The following CCDC149 variants were observed in gnomAD, a reference collection of about 807,000 sequenced individuals.
CCDC149 encodes coiled-coil domain-containing protein 149.
CCDC149 carries 45 observed loss-of-function variants against 59.9 expected under a neutral mutation model. That is an observed-to-expected ratio of 0.75 (90% CI 0.59 to 0.96). The LOEUF (loss-of-function observed/expected upper bound fraction) is 0.96, where lower values mean the gene tolerates loss of function less well. Among genes scored for constraint, CCDC149 ranks in the 40% least tolerant of loss-of-function variants. The pLI is 0.00. For synonymous variants in CCDC149, 245 were observed against 260.6 expected, an observed-to-expected ratio of 0.94 and a Z score of 0.58; for missense variants, 584 against 664.7, an observed-to-expected ratio of 0.88 and a Z score of 1.33.
chr4:24,916,109 G>A (rs1422986748), upstream of CCDC149, among the ~76,000 whole-genome samples: 1 of 152,146 alleles, frequency 6.6e-6, no homozygotes, highest in Non-Finnish European at 1.5e-5. Flanking sequence ...GTGCCACCCT[G>A]TTACAAAGTA....
At chr4:24,973,735 T>A (rs572805291) in intron 1 of CCDC149, among the ~76,000 whole-genome samples, 1 of 152,358 alleles carries the variant, frequency 6.6e-6, no homozygotes, top group Non-Finnish European at 1.5e-5. Flanking sequence ...GAGTGTATGA[T>A]TAACCCGGTC....
chr4:24,809,173 C>T lies in CCDC149; in HGVS notation c.1193-354G>A, dbSNP rs116300471. On this transcript the variant is annotated intron_variant, in intron 12 of 12. Transcript: ENST00000635206. ...GAGGACAAAGGTTTTGTTGGTTCTG[C>T]AGCTGAGAGCCAGGGCTTGTTAGTA... 2.9e-3 allele frequency among the ~76,000 whole-genome samples: 448 copies of T among 152,264 alleles called. 3 individuals carry two copies. The highest frequency in any genetic ancestry group is 0.01 in the African/African-American group (421 of 41,530).
intron 1 of CCDC149, among the ~76,000 whole-genome samples, chr4:24,900,445 A>G (rs898790694): frequency 1.3e-5 from 2 of 152,154 alleles, no homozygotes; most frequent in Non-Finnish European, 2.9e-5. Context: ...ATGTGAGATC[A>G]CAGTAGAGGC....
intron 8 of CCDC149, among the ~76,000 whole-genome samples, chr4:24,833,361 T>C (rs1236746990): frequency 6.6e-6 from 1 of 152,164 alleles, no homozygotes; most frequent in Non-Finnish European, 1.5e-5. Context: ...TGGTGGCTCA[T>C]GCCTATAATC....
Position 24,912,875 on chromosome 4 carries a change from T to G in CCDC149, c.5A>C (p.Glu2Ala), listed in dbSNP as rs1415080321. 2.2e-6 allele frequency: 3 copies of G among 1,359,090 alleles called. No individual in the cohort carries two copies. Among genetic ancestry groups the G allele is most frequent in the Non-Finnish European group, 2.9e-6 (3 of 1,040,606 alleles). 84.2% of individuals were successfully genotyped at this position (1,359,090 alleles called of 1,614,324 possible). A position where few individuals can be genotyped will look rare whatever the true frequency, so the allele number is the denominator to read the frequency against. ...CCGGTCGCCGTTCATGGCCTCCTCC[T>G]CCATGCGCTGGCCGGCCTCCTGGAC... The change falls in exon 1 of 13, where the codon GAG becomes GCG. Residue 2 changes from glutamate to alanine, a missense_variant. Coordinates refer to ENST00000635206, the MANE Select transcript of CCDC149 (RefSeq NM_001330643.2).
At chr4:24,868,980 A>G (rs917325368) in intron 3 of CCDC149, among the ~76,000 whole-genome samples, 1 of 152,224 alleles carries the variant, frequency 6.6e-6, no homozygotes, top group African/African-American at 2.4e-5. Flanking sequence ...GCTATGTGAG[A>G]GTTAAATGAG....
intron 1 of CCDC149, among the ~76,000 whole-genome samples, chr4:24,921,663 A>G (rs1379130609): frequency 6.6e-6 from 1 of 152,244 alleles, no homozygotes; most frequent in Admixed American, 6.5e-5. Context: ...GCCAGCGCCC[A>G]CATGTGGGAA....
chr4:24,945,319 G>A (rs1466385427), intron 1 of CCDC149, among the ~76,000 whole-genome samples: 1 of 152,210 alleles, frequency 6.6e-6, no homozygotes, highest in Non-Finnish European at 1.5e-5. Flanking sequence ...AATCCAGTAT[G>A]ACTGATGTCC....
At chr4:24,876,826 A>G in intron 1 of CCDC149, 129 bp from the exon 2 acceptor site, 1 of 890,866 alleles carries the variant, frequency 1.1e-6, no homozygotes, top group South Asian at 1.8e-5. Context: ...GTGCCGAGAG[A>G]GACATTTTTC....
In CCDC149 at chr4:24,837,113, T is replaced by C; in HGVS notation, c.662+115A>G. 9.8e-7 allele frequency: 1 copy of C among 1,018,018 alleles called. No individual in the cohort carries two copies. The highest frequency in any genetic ancestry group is 1.6e-5 in the African/African-American group (1 of 61,548). The allele number at this position is 1,018,018 out of a possible 1,614,324, so 63.1% of individuals were successfully genotyped here. On this transcript the variant is annotated intron_variant, in intron 6 of 12. Transcript: ENST00000635206. The surrounding 1 kb of genome is among the most constrained non-coding windows in gnomAD (Gnocchi z 4.3). ...ATCATTTCGGGGGAGTGAGTTTCTTTTCACTTGTAAGGCAATTTTCTCCAA... is the reference window on the plus strand; with the variant it reads ...ATCATTTCGGGGGAGTGAGTTTCTTCTCACTTGTAAGGCAATTTTCTCCAA...
At chr4:24,842,711 C>T (rs955944243) in intron 4 of CCDC149, among the ~76,000 whole-genome samples, 15 of 152,172 alleles carry the variant, frequency 9.9e-5, no homozygotes, top group Admixed American at 2.0e-4. Context: ...GGGTGTCCTG[C>T]CCCCAACTCT....
At chr4:24,851,465 G>A (rs1233984035) in intron 4 of CCDC149, among the ~76,000 whole-genome samples, 1 of 152,026 alleles carries the variant, frequency 6.6e-6, no homozygotes, top group East Asian at 1.9e-4. Context: ...AGTTGCAAAC[G>A]TCAATTCCTA....
intron 1 of CCDC149, among the ~76,000 whole-genome samples, chr4:24,905,414 C>CGTGTGTGT (rs1163234474): frequency 3.0e-4 from 24 of 78,692 alleles, no homozygotes; most frequent in African/African-American, 7.1e-4. Flanking sequence ...TGCGTGCGTG[C>CGTGTGTGT]GTGTGTGTGT....
chr4:24,918,807 T>A (rs918276976), intron 1 of CCDC149, among the ~76,000 whole-genome samples: 5 of 152,190 alleles, frequency 3.3e-5, no homozygotes, highest in Non-Finnish European at 5.9e-5. Flanking sequence ...TGTCAGTGTA[T>A]TGGGGCAACT....
Position 24,850,303 on chromosome 4 carries a change from C to T in CCDC149, c.372+2769G>A, listed in dbSNP as rs192821175. ...AATTTATAGGATACAGATGGAAATT[C>T]GGCCCTCAAAGAGCTTCCCCTTGGG... On this transcript the variant is annotated intron_variant, in intron 4 of 12. Transcript: ENST00000635206. Among the ~76,000 whole-genome samples the T allele has an allele frequency of 4.2e-3, 646 of 152,252 alleles. 4 individuals are homozygous for T. The highest frequency in any genetic ancestry group is 0.015 in the African/African-American group (605 of 41,544).
chr4:24,868,969 G>A (rs376904957), intron 3 of CCDC149, among the ~76,000 whole-genome samples: 2 of 152,206 alleles, frequency 1.3e-5, no homozygotes, highest in African/African-American at 2.4e-5. Flanking sequence ...TACCGCACAC[G>A]GCTATGTGAG....
chr4:24,848,850 A>G (rs1002889316), intron 4 of CCDC149, among the ~76,000 whole-genome samples: 1 of 152,208 alleles, frequency 6.6e-6, no homozygotes, highest in Admixed American at 6.5e-5. Context: ...GCCACAGTGC[A>G]TAAGTGCTCA....
chr4:24,812,317 C>T (rs547331656), intron 12 of CCDC149, among the ~76,000 whole-genome samples: 3 of 152,310 alleles, frequency 2.0e-5, no homozygotes, highest in African/African-American at 7.2e-5. Flanking sequence ...GAGGGCACTT[C>T]CCCCAGTGAT....
chr4:24,837,990 C>A lies in CCDC149; in HGVS notation c.489+166G>T, dbSNP rs918278503. ...ACCTGCCTGCTGGAGGCCAGAAACC[C>A]AAGAGTCAGCTTGGGACCCTAGTGC... On this transcript the variant is annotated intron_variant, in intron 5 of 12. Coordinates refer to ENST00000635206, the MANE Select transcript of CCDC149 (RefSeq NM_001330643.2). The surrounding 1 kb of genome is among the most constrained non-coding windows in gnomAD (Gnocchi z 4.3). 6.6e-6 allele frequency among the ~76,000 whole-genome samples: 1 copy of A among 152,120 alleles called. No individual in the cohort carries two copies. Among genetic ancestry groups the A allele is most frequent in the Non-Finnish European group, 1.5e-5 (1 of 68,030 alleles).
Sources: allele counts gnomAD v4.1 joint callset (sites outside exome capture counted in the v4.1 genomes callset), GRCh38; gene constraint gnomAD v4.1.1; non-coding constraint Gnocchi (gnomAD v3.1); transcripts MANE v1.5; gene names NCBI Gene and HGNC (gene_info 2026-07-23, HGNC 2026-07-21).